SSBP2: variants seen among roughly 807,000 people sequenced by gnomAD.
SSBP2 encodes single-stranded DNA-binding protein 2.
A neutral mutation model predicts 61.8 loss-of-function variants in SSBP2; 17 were observed. The ratio of observed to expected loss-of-function variants is 0.28; its 90% confidence interval spans 0.19 to 0.41. SSBP2 has a LOEUF of 0.41. SSBP2 is among the 10% of genes least tolerant of loss of function. The pLI is 1.00. For synonymous variants in SSBP2, 139 were observed against 141.3 expected (o/e 0.98, Z 0.12); for missense variants, 310 against 458.7 (o/e 0.68, Z 2.96).
chr5:81,587,043 T>C (rs1188474986), intron 4 of SSBP2, among the ~76,000 whole-genome samples: 2 of 152,168 alleles, frequency 1.3e-5, no homozygotes, highest in African/African-American at 4.8e-5. Context: ...TCCTCCAGAC[T>C]TTCCCTTATA....
At chr5:81,677,520 T>TA (rs922925095) in intron 1 of SSBP2, among the ~76,000 whole-genome samples, 1 of 151,684 alleles carries the variant, frequency 6.6e-6, no homozygotes, top group Non-Finnish European at 1.5e-5. Flanking sequence ...AGTCCAAGAG[T>TA]AAAAAAACTC....
intron 15 of SSBP2, among the ~76,000 whole-genome samples, chr5:81,436,125 T>C (rs946661232): frequency 7.1e-6 from 1 of 140,026 alleles, no homozygotes; most frequent in African/African-American, 2.7e-5. Flanking sequence ...GAAGGGGAGG[T>C]TGCAGTGGGC....
In SSBP2 at chr5:81,488,029, AT is replaced by A. The variant is rs1359784463; in HGVS notation, c.432+1220del. On this transcript the variant is annotated intron_variant, in intron 6 of 16. Coordinates refer to ENST00000320672, the MANE Select transcript of SSBP2 (RefSeq NM_012446.5). ...CCAAATAATATATATATATATATAT[AT>A]ATATATATATATATATATATATATA... Among the ~76,000 whole-genome samples, 16 of 15,188 alleles carry A rather than the reference AT, an allele frequency of 1.1e-3. 3 individuals carry two copies. The highest frequency in any genetic ancestry group is 3.9e-3 in the African/African-American group (3 of 764). The allele number at this position is 15,188 out of a possible 152,430, so 10.0% of individuals were successfully genotyped here. A position where few individuals can be genotyped will look rare whatever the true frequency, so the allele number is the denominator to read the frequency against.
intron 1 of SSBP2, among the ~76,000 whole-genome samples, chr5:81,711,419 G>A (rs969632076): frequency 3.9e-5 from 6 of 152,006 alleles, no homozygotes; most frequent in Admixed American, 1.3e-4. Flanking sequence ...CGCTTTGCCA[G>A]AAATTTACCA....
intron 1 of SSBP2, chr5:81,710,828 G>T: frequency 2.7e-6 from 1 of 371,240 alleles, no homozygotes. Context: ...TGGCAGGAAG[G>T]AAAGAACATT....
intron 4 of SSBP2, among the ~76,000 whole-genome samples, chr5:81,538,357 T>C (rs554001611): frequency 1.3e-5 from 2 of 152,292 alleles, no homozygotes; most frequent in Admixed American, 1.3e-4. Context: ...AGTCTGATGT[T>C]GGCAGAAACT....
chr5:81,679,957 A>G (rs1173726073), intron 1 of SSBP2, among the ~76,000 whole-genome samples: 3 of 47,510 alleles, frequency 6.3e-5, no homozygotes, highest in African/African-American at 1.2e-4. Context: ...AAAAAGGTGG[A>G]AAAAAAAAAA....
intron 5 of SSBP2, among the ~76,000 whole-genome samples, chr5:81,505,620 A>C (rs997143040): frequency 3.3e-5 from 5 of 152,182 alleles, no homozygotes; most frequent in African/African-American, 1.2e-4. Context: ...GTCAATAAAA[A>C]CTACAGCACT....
chr5:81,553,931 T>C (rs974011466), intron 4 of SSBP2, among the ~76,000 whole-genome samples: 1 of 152,042 alleles, frequency 6.6e-6, no homozygotes, highest in African/African-American at 2.4e-5. Flanking sequence ...CACCCAACAC[T>C]GATTTTTGGC....
At chr5:81,490,413 T>TA (rs1458034810) in intron 5 of SSBP2, among the ~76,000 whole-genome samples, 3 of 152,130 alleles carry the variant, frequency 2.0e-5, no homozygotes, top group Non-Finnish European at 4.4e-5. Context: ...TCTCAACATA[T>TA]AATTACTTAA....
At chr5:81,636,070 A>T (rs1452327309) in intron 3 of SSBP2, among the ~76,000 whole-genome samples, 2 of 152,182 alleles carry the variant, frequency 1.3e-5, no homozygotes. Context: ...TGAGATCATG[A>T]AAGTGGGACC....
chr5:81,629,789 A>G (rs2153654608), intron 3 of SSBP2, among the ~76,000 whole-genome samples: 1 of 152,342 alleles, frequency 6.6e-6, no homozygotes, highest in East Asian at 1.9e-4. Context: ...GAAAATGATT[A>G]CCAAAATCAA....
At chr5:81,503,846 G>C (rs1767981336) in intron 5 of SSBP2, among the ~76,000 whole-genome samples, 1 of 152,118 alleles carries the variant, frequency 6.6e-6, no homozygotes, top group African/African-American at 2.4e-5. Context: ...AACATGGATG[G>C]AGCTGGAGGC....
rs148194483 is a variant in SSBP2, at chr5:81,676,695, C to T, written c.63-26356G>A. ...TAACTACCATCCTCTCTTACCCCCT[C>T]CTTCCCCTCTTTGTAGAACTACTGT... On this transcript the variant is annotated intron_variant, in intron 1 of 16. Transcript: ENST00000320672. Among the ~76,000 whole-genome samples, 1,464 of 152,276 alleles carry T rather than the reference C, an allele frequency of 9.6e-3. 9 individuals are homozygous for T. Among genetic ancestry groups the T allele is most frequent in the South Asian group, 0.038 (181 of 4,818 alleles).
chr5:81,424,034 G>A (rs535229885), intron 16 of SSBP2, among the ~76,000 whole-genome samples: 11 of 152,244 alleles, frequency 7.2e-5, no homozygotes, highest in African/African-American at 2.2e-4. Context: ...GAGTGAGGTT[G>A]GCCCAGGGAG....
chr5:81,628,059 A>C (rs767192701), intron 3 of SSBP2, among the ~76,000 whole-genome samples: 37 of 152,024 alleles, frequency 2.4e-4, no homozygotes, highest in Non-Finnish European at 2.2e-4. Flanking sequence ...TGTCTCAAAA[A>C]AAGAAAAAAA....
Position 81,489,283 on chromosome 5 carries a change from TC to T in SSBP2, c.398del (p.Gly133GlufsTer7). On this transcript the variant is annotated frameshift_variant, in exon 6 of 17. Coordinates refer to ENST00000320672, the MANE Select transcript of SSBP2 (RefSeq NM_012446.5). LOFTEE classifies it high-confidence loss of function. ...GTATCCTCAATGGGGGCCTTGGACC[TC>T]CAGGGTACCGAGGTGACATAAAAGG... 6.2e-7 allele frequency: 1 copy of T among 1,608,550 alleles called. No homozygotes were observed. Among genetic ancestry groups the T allele is most frequent in the South Asian group, 1.1e-5 (1 of 89,876 alleles).
chr5:81,533,546 C>T (rs937648691), intron 4 of SSBP2, among the ~76,000 whole-genome samples: 4 of 152,124 alleles, frequency 2.6e-5, no homozygotes, highest in East Asian at 1.9e-4. Context: ...GGTTCTGTTA[C>T]GCCATGTAAG....
intron 1 of SSBP2, among the ~76,000 whole-genome samples, chr5:81,653,569 G>A (rs553289623): frequency 2.0e-4 from 30 of 152,266 alleles, no homozygotes; most frequent in Admixed American, 2.0e-3. Context: ...CACCAACAGT[G>A]TAAAAGTGTT....
Sources: allele counts gnomAD v4.1 joint callset (sites outside exome capture counted in the v4.1 genomes callset), GRCh38; gene constraint gnomAD v4.1.1; transcripts MANE v1.5; gene names NCBI Gene and HGNC (gene_info 2026-07-23, HGNC 2026-07-21).